The following LMO7 variants were observed in gnomAD, a reference collection of about 807,000 sequenced individuals.
LMO7 encodes LIM domain only protein 7.
In LMO7, 120 loss-of-function variants were observed where a neutral mutation model predicts 206.5. That is an observed-to-expected ratio of 0.58 (90% CI 0.50 to 0.68). LMO7 has a LOEUF of 0.68. LMO7 is among the 30% of genes least tolerant of loss of function. The probability of loss-of-function intolerance (pLI) is 0.00; values close to 1 mark genes in which losing one functional copy is unlikely to be tolerated. For missense variants in LMO7, 1,959 were observed against 1,957.9 expected, an observed-to-expected ratio of 1.00 and a Z score of -0.01; for synonymous variants, 706 against 681.5, an observed-to-expected ratio of 1.04 and a Z score of -0.56.
At position 75,821,473 on chromosome 13, in the gene LMO7, T is replaced by A. The variant is rs1219580857; in HGVS notation, c.2504T>A (p.Met835Lys). 7 of 1,614,044 alleles carry A rather than the reference T, an allele frequency of 4.3e-6. No individual in the cohort carries two copies. Among genetic ancestry groups the A allele is most frequent in the Middle Eastern group, 1.6e-4 (1 of 6,082 alleles). Reference protein sequence around the residue: ...LSSLRSRSTQMESTRVSASLP... With the variant: ...LSSLRSRSTQKESTRVSASLP... ...TCTCTGCGTTCACGGAGCACACAAA[T>A]GGAATCAACTCGTGTTTCAGCTTCT... Residue 835 changes from methionine to lysine, a missense_variant, in exon 14 of 31, where the codon ATG becomes AAG. By Grantham distance (95) the Met-to-Lys change is moderately conservative. Transcript: ENST00000377534.
intron 4 of LMO7, among the ~76,000 whole-genome samples, chr13:75,766,339 T>C (rs371146306): frequency 1.3e-5 from 2 of 152,028 alleles, no homozygotes; most frequent in Middle Eastern, 3.4e-3. Context: ...TTTAAGTGAT[T>C]ATTTGTGTGA....
intron 3 of LMO7, among the ~76,000 whole-genome samples, chr13:75,753,287 C>T (rs1350417051): frequency 1.3e-5 from 2 of 152,052 alleles, no homozygotes; most frequent in African/African-American, 4.8e-5. Context: ...TTTTGTTGTT[C>T]CTTATAAATT....
intron 3 of LMO7, 124 bp from the exon 4 acceptor site, chr13:75,760,808 T>C: frequency 6.5e-7 from 1 of 1,549,126 alleles, no homozygotes; most frequent in South Asian, 1.2e-5. Flanking sequence ...TGCATGGGTC[T>C]TGCTGCTGCC....
chr13:75,704,233 C>A (rs904530737), intron 1 of LMO7, among the ~76,000 whole-genome samples: 4 of 152,256 alleles, frequency 2.6e-5, no homozygotes, highest in Admixed American at 2.0e-4. Flanking sequence ...TTAGTTATCT[C>A]CCTGAATGAA....
intron 1 of LMO7, among the ~76,000 whole-genome samples, chr13:75,654,843 C>T (rs1031993672): frequency 1.3e-5 from 2 of 151,164 alleles, no homozygotes; most frequent in African/African-American, 4.9e-5. Context: ...TCCCTTTTTA[C>T]ACAATACAAC....
intron 10 of LMO7, 69 bp downstream of exon 10, chr13:75,808,268 A>G (rs2055814867): frequency 6.8e-7 from 1 of 1,471,924 alleles, no homozygotes; most frequent in Non-Finnish European, 9.0e-7. Context: ...TCATGCGAGA[A>G]AGCAGCTCAT....
intron 5 of LMO7, among the ~76,000 whole-genome samples, chr13:75,796,016 A>G (rs1358239482): frequency 6.6e-6 from 1 of 152,204 alleles, no homozygotes; most frequent in Non-Finnish European, 1.5e-5. Flanking sequence ...GTATAAGAGG[A>G]TAGGTTAGAT....
rs765187863 is a variant in LMO7, at chr13:75,807,658, G to A, written c.1375G>A (p.Glu459Lys). 6.9e-5 allele frequency: 112 copies of A among 1,613,848 alleles called. No individual in the cohort carries two copies. The East Asian group carries it at 2.5e-3, about 36-fold the overall frequency. ...GATGGCAGCCCTGGATCCTGACTTA[G>A]AGAATGATGATTTCTTTGTCAGAAA... is the stretch of plus-strand genomic sequence containing the variant. ...LEMAALDPDL[E>K]NDDFFVRKTG... The change falls in exon 10 of 31, where the codon GAG (glutamate) becomes AAG (lysine). Residue 459 changes from glutamate to lysine, a missense_variant. Transcript: ENST00000377534.
chr13:75,655,347 G>A (rs1185497031), intron 1 of LMO7, among the ~76,000 whole-genome samples: 1 of 152,002 alleles, frequency 6.6e-6, no homozygotes, highest in Non-Finnish European at 1.5e-5. Flanking sequence ...GTTGTAAACT[G>A]TTACAAGCTT....
In LMO7 at chr13:75,800,859, T is replaced by A; in HGVS notation, c.638T>A (p.Ile213Asn). 2 of 1,613,958 alleles carry A rather than the reference T, an allele frequency of 1.2e-6. No individual in the cohort carries two copies. The highest frequency in any genetic ancestry group is 1.7e-6 in the Non-Finnish European group (2 of 1,179,886). ...SRSLTSCSSD[I>N]TLRGGREGFE... ...TCATTGACAAGCTGCTCCTCTGATA[T>A]CACGTTGAGAGGGGGGCGTGAAGGT... The change falls in exon 7 of 31, where the codon ATC becomes AAC. Residue 213 changes from isoleucine to asparagine, a missense_variant. Transcript: ENST00000377534.
chr13:75,630,305 T>C (rs1207059451), intron 2 of LMO7, among the ~76,000 whole-genome samples: 1 of 152,220 alleles, frequency 6.6e-6, no homozygotes, highest in Non-Finnish European at 1.5e-5. Flanking sequence ...TTCTCATTTA[T>C]AAAAGTAATA....
chr13:75,785,405 G>T (rs1388098226), intron 4 of LMO7, among the ~76,000 whole-genome samples: 2 of 151,970 alleles, frequency 1.3e-5, no homozygotes, highest in Non-Finnish European at 2.9e-5. Flanking sequence ...TTGTTGTGTG[G>T]ATTAAAGGAG....
intron 26 of LMO7, among the ~76,000 whole-genome samples, chr13:75,848,445 A>ATCTATCTG (rs1293999481): frequency 4.0e-5 from 6 of 151,730 alleles, no homozygotes; most frequent in South Asian, 2.1e-4. Flanking sequence ...CTATCTATCT[A>ATCTATCTG]TCTATCTATC....
At chr13:75,727,869 T>C (rs1240619060) in intron 3 of LMO7, among the ~76,000 whole-genome samples, 2 of 149,426 alleles carry the variant, frequency 1.3e-5, no homozygotes, top group Non-Finnish European at 1.5e-5. Context: ...AGTGAGAACA[T>C]GCGGTGTTTG....
intron 3 of LMO7, among the ~76,000 whole-genome samples, chr13:75,745,375 G>C (rs1248474073): frequency 6.6e-6 from 1 of 152,148 alleles, no homozygotes; most frequent in Non-Finnish European, 1.5e-5. Flanking sequence ...TAAAAATGTT[G>C]AATTGTACAC....
At position 75,790,203 on chromosome 13, in the gene LMO7, C is replaced by T. The variant is rs74096428; in HGVS notation, c.318-5198C>T. Among the ~76,000 whole-genome samples the T allele has an allele frequency of 7.1e-3, 1,075 of 152,178 alleles. 20 individuals are homozygous for T. Among genetic ancestry groups the T allele is most frequent in the African/African-American group, 0.025 (1,038 of 41,490 alleles). The stretch of plus-strand genomic sequence containing the variant: ...AAAACTGTGTTGGGGGTGGAGGGGG[C>T]GGAGTTGACTGTCCTCCAGCCACTG... On this transcript the variant is annotated intron_variant, in intron 4 of 30. Coordinates refer to ENST00000377534, the MANE Select transcript of LMO7 (RefSeq NM_001306080.2).
At chr13:75,835,446 T>G (rs2059039208) in intron 18 of LMO7, 107 bp downstream of exon 18, 1 of 653,772 alleles carries the variant, frequency 1.5e-6, no homozygotes, top group Non-Finnish European at 2.5e-6. Context: ...GATGCTAACT[T>G]TAAAATGTAA....
At chr13:75,760,242 G>A in intron 3 of LMO7, 1 of 462,470 alleles carries the variant, frequency 2.2e-6, no homozygotes, top group Non-Finnish European at 2.8e-6. Flanking sequence ...TAGATATGAG[G>A]GCAACCTTGG....
intron 3 of LMO7, among the ~76,000 whole-genome samples, chr13:75,749,661 G>C (rs78138648): frequency 6.6e-6 from 1 of 152,152 alleles, no homozygotes; most frequent in African/African-American, 2.4e-5. Context: ...CTGCCAAATG[G>C]TGCTGGCATT....
Sources: gnomAD v4.1 joint callset for allele counts (sites outside exome capture counted in the v4.1 genomes callset) on GRCh38, gnomAD v4.1.1 for gene constraint, MANE v1.5 for transcripts, NCBI Gene and HGNC (gene_info 2026-07-23, HGNC 2026-07-21) for gene names.